The following ADGRE5 variants were observed in gnomAD, a reference collection of about 807,000 sequenced individuals.
The protein encoded by ADGRE5 is adhesion G protein-coupled receptor E5.
In ADGRE5, 72 loss-of-function variants were observed where a neutral mutation model predicts 100.3. That is an observed-to-expected ratio of 0.72 (90% CI 0.59 to 0.87). The LOEUF (loss-of-function observed/expected upper bound fraction) is 0.87. Among genes scored for constraint, ADGRE5 ranks in the 40% least tolerant of loss-of-function variants. ADGRE5 has a pLI of 0.00. For synonymous variants in ADGRE5, 439 were observed against 447.8 expected, an observed-to-expected ratio of 0.98 and a Z score of 0.25; for missense variants, 959 against 1,094.7, an observed-to-expected ratio of 0.88 and a Z score of 1.75.
rs1976004603 is a variant in ADGRE5 at position 14,401,414 on chromosome 19, TG to T, written c.928del (p.Glu310LysfsTer6). On this transcript the variant is annotated frameshift_variant, in exon 10 of 20. Transcript: ENST00000242786. LOFTEE classifies it high-confidence loss of function. The surrounding 1 kb of genome is among the most constrained non-coding windows in gnomAD (Gnocchi z 4.1). ...QNVIKLVDEL[M>X]EAPGDVEALA... ...GTCATCAAATTGGTGGATGAACTGATGGAAGCTCCTGGAGACGTAGAGGCCC... is the reference window on the plus strand; with the variant it reads ...GTCATCAAATTGGTGGATGAACTGATGAAGCTCCTGGAGACGTAGAGGCCC... 1.2e-6 allele frequency: 2 copies of T among 1,613,986 alleles called. No homozygotes were observed. The highest frequency in any genetic ancestry group is 1.7e-6 in the Non-Finnish European group (2 of 1,180,012).
intron 4 of ADGRE5, among the ~76,000 whole-genome samples, chr19:14,394,897 G>C (rs1207096797): frequency 6.6e-6 from 1 of 152,068 alleles, no homozygotes; most frequent in Non-Finnish European, 1.5e-5. Flanking sequence ...CCCATCCAAG[G>C]CTCCACCCTA....
At chr19:14,407,638 CAAA>C (rs566106681) in intron 18 of ADGRE5, among the ~76,000 whole-genome samples, 2 of 84,632 alleles carry the variant, frequency 2.4e-5, no homozygotes, top group Non-Finnish European at 2.5e-5. Flanking sequence ...GACTTGTCTC[CAAA>C]AAAAAAAAAA....
At chr19:14,404,872 T>C (rs73517821) in intron 13 of ADGRE5, 3 of 336,820 alleles carry the variant, frequency 8.9e-6, no homozygotes, top group African/African-American at 6.6e-5. Flanking sequence ...GCCCGTTTTT[T>C]TTTTTTTTTG....
chr19:14,391,118 A>C, intron 4 of ADGRE5, 39 bp downstream of exon 4: 1 of 1,611,872 alleles, frequency 6.2e-7, no homozygotes, highest in Non-Finnish European at 8.5e-7. Flanking sequence ...TCCATCCATG[A>C]GGTTTGGGGT....
chr19:14,402,881 C>A lies in ADGRE5; in HGVS notation c.1449+19C>A. The A allele has an allele frequency of 6.2e-7, 1 of 1,612,768 alleles. No homozygotes were observed. The highest frequency in any genetic ancestry group is 8.5e-7 in the Non-Finnish European group (1 of 1,179,180). ...TGCCAAGGTCTCTGCTCACTCTGCTCACTTCCTCAAAGATAACCCAGGGCC... is the reference window on the plus strand; with the variant it reads ...TGCCAAGGTCTCTGCTCACTCTGCTAACTTCCTCAAAGATAACCCAGGGCC... On this transcript the variant is annotated intron_variant, in intron 12 of 19. Coordinates refer to ENST00000242786, the MANE Select transcript of ADGRE5 (RefSeq NM_078481.4).
At position 14,408,022 on chromosome 19, in the gene ADGRE5, G is replaced by C. The variant is rs367984696; in HGVS notation, c.2478+13G>C. 6.2e-7 allele frequency: 1 copy of C among 1,613,966 alleles called. No individual in the cohort carries two copies. The highest frequency in any genetic ancestry group is 1.3e-5 in the African/African-American group (1 of 74,924). ...CAATCAGACCCGGGTAAGGGGCTGC[G>C]CCTGGGGCGGGTGTGGGCAGGAAGG... On this transcript the variant is annotated intron_variant, in intron 19 of 19. Coordinates refer to ENST00000242786, the MANE Select transcript of ADGRE5 (RefSeq NM_078481.4).
intron 9 of ADGRE5, among the ~76,000 whole-genome samples, chr19:14,399,718 G>T (rs1196801557): frequency 1.3e-5 from 2 of 151,326 alleles, no homozygotes; most frequent in African/African-American, 4.9e-5. Context: ...CTCCAGCCAG[G>T]GCAACAAGAG....
chr19:14,389,592 C>A (rs1025542226), intron 3 of ADGRE5, among the ~76,000 whole-genome samples: 3 of 150,530 alleles, frequency 2.0e-5, no homozygotes, highest in African/African-American at 4.9e-5. Flanking sequence ...AAAAATTAGC[C>A]GGGGGTGGTG....
intron 12 of ADGRE5, among the ~76,000 whole-genome samples, chr19:14,403,979 C>T (rs1976116008): frequency 6.8e-6 from 1 of 147,890 alleles, no homozygotes; most frequent in East Asian, 2.0e-4. Context: ...CAGGTTCAAG[C>T]GATTCTCCTG....
At chr19:14,383,021 C>G in intron 1 of ADGRE5, among the ~76,000 whole-genome samples, 1 of 151,906 alleles carries the variant, frequency 6.6e-6, no homozygotes, top group Non-Finnish European at 1.5e-5. Context: ...CAGGCATGAG[C>G]CACCGCGCCC....
rs373788401 is a variant in ADGRE5, at chr19:14,406,346, C to T, written c.1837C>T (p.Arg613Cys). The change falls in exon 15 of 20, where the codon CGC becomes TGC. Residue 613 changes from arginine (R) to cysteine (C), a missense_variant. Around this residue, in one of 6 missense-constraint regions of ADGRE5, gnomAD observed 428 missense variants for 386.2 expected, o/e 1.11. Transcript: ENST00000242786. The surrounding 1 kb of genome is among the most constrained non-coding windows in gnomAD (Gnocchi z 6.0). ...CGCCCCGCAGGTGGGGCTGCGCTGC[C>T]GCCTGGTGGCCGGGCTGCTGCACTA... ...NEGGQVGLRC[R>C]LVAGLLHYCF... 9 of 1,571,520 alleles carry T rather than the reference C, an allele frequency of 5.7e-6. No homozygotes were observed. The highest frequency in any genetic ancestry group is 1.8e-5 in the Admixed American group (1 of 54,058).
chr19:14,407,968 T>A lies in ADGRE5; in HGVS notation c.2437T>A (p.Phe813Ile), dbSNP rs200493021. The change falls in exon 19 of 20, where the codon TTC (phenylalanine) becomes ATC (isoleucine). Residue 813 changes from phenylalanine to isoleucine, a missense_variant. Physicochemically the swap from Phe to Ile is conservative, Grantham distance 21. Transcript: ENST00000242786. ...TGCTGGGGGGAGCAAGTACTCAGAATTCACCTCCACCACGTCTGGCACTGG... is the reference window on the plus strand; with the variant it reads ...TGCTGGGGGGAGCAAGTACTCAGAAATCACCTCCACCACGTCTGGCACTGG... The part of the protein sequence containing the change: ...LVAGGSKYSE[F>I]TSTTSGTGHN... 149 of 1,614,018 alleles carry A rather than the reference T, an allele frequency of 9.2e-5. No homozygotes were observed. The highest frequency in any genetic ancestry group is 1.2e-4 in the Non-Finnish European group (142 of 1,180,034).
In ADGRE5 at chr19:14,406,253, C is replaced by T; in HGVS notation, c.1822-78C>T. ...CTGTGGTCCCGCCCACTCTCGGGACCTGGCAGGCGACTGGCTCTGGCGCCG... is the reference window on the plus strand; with the variant it reads ...CTGTGGTCCCGCCCACTCTCGGGACTTGGCAGGCGACTGGCTCTGGCGCCG... On this transcript the variant is annotated intron_variant, in intron 14 of 19. Coordinates refer to ENST00000242786, the MANE Select transcript of ADGRE5 (RefSeq NM_078481.4). The surrounding 1 kb of genome is among the most constrained non-coding windows in gnomAD (Gnocchi z 6.0). 8.5e-7 allele frequency: 1 copy of T among 1,181,756 alleles called. No homozygotes were observed. 73.2% of individuals were successfully genotyped at this position (1,181,756 alleles called of 1,614,324 possible). A position where few individuals can be genotyped will look rare whatever the true frequency, so the allele number is the denominator to read the frequency against.
At chr19:14,392,727 A>G (rs1975643770) in intron 4 of ADGRE5, among the ~76,000 whole-genome samples, 1 of 151,680 alleles carries the variant, frequency 6.6e-6, no homozygotes, top group Non-Finnish European at 1.5e-5. Flanking sequence ...ACATGGCGAA[A>G]CCCTGTGTCT....
At position 14,404,281 on chromosome 19, in the gene ADGRE5, A is replaced by C. The variant is rs912716319; in HGVS notation, c.1450-102A>C. ...GTTACATTCAGTAGGCGCTCGGTCA[A>C]TACTCATCTAGTAAAAAGCAGCCCT... On this transcript the variant is annotated intron_variant, in intron 12 of 19. Transcript: ENST00000242786. The C allele has an allele frequency of 2.9e-5, 31 of 1,066,416 alleles. 2 individuals are homozygous for C. The South Asian group carries it at 4.2e-4, about 15-fold the overall frequency. The allele number at this position is 1,066,416 out of a possible 1,614,324, so 66.1% of individuals were successfully genotyped here.
At position 14,406,735 on chromosome 19, in the gene ADGRE5, G is replaced by A. The variant is rs1976258315; in HGVS notation, c.2084G>A (p.Ser695Asn). Residue 695 changes from serine (S) to asparagine (N), a missense_variant, in exon 16 of 20, where the codon AGC (serine) becomes AAC (asparagine). Transcript: ENST00000242786. This position sits in a 1 kb window ranked among gnomAD's most constrained non-coding sequence, Gnocchi z 6.0. ...GACTTTGAGCAGGGCTTCCTCTGGA[G>A]CTTCTTGGGACCTGTGACCTTCATC... ...WLDFEQGFLWSFLGPVTFIIL... is the reference protein window; with the variant it reads ...WLDFEQGFLWNFLGPVTFIIL... 1 of 1,614,166 alleles carries A rather than the reference G, an allele frequency of 6.2e-7. No individual in the cohort carries two copies. The highest frequency in any genetic ancestry group is 8.5e-7 in the Non-Finnish European group (1 of 1,180,034).
Position 14,404,503 on chromosome 19 carries a change from AC to A in ADGRE5, c.1572del (p.Cys525AlafsTer6). 1.2e-6 allele frequency: 2 copies of A among 1,603,932 alleles called. No homozygotes were observed. Among genetic ancestry groups the A allele is most frequent in the Non-Finnish European group, 1.7e-6 (2 of 1,176,820 alleles). The stretch of plus-strand genomic sequence containing the variant: ...GCTGGGCAGCAAGAACGGCAGCACC[AC>A]CTGCCAATGCAGCCACCTGAGCAGC... ...QVLGSKNGST[T>X]CQCSHLSSFA... On this transcript the variant is annotated frameshift_variant, in exon 13 of 20. Transcript: ENST00000242786. LOFTEE classifies it high-confidence loss of function.
chr19:14,391,202 G>T, intron 4 of ADGRE5, 123 bp downstream of exon 4: 3 of 1,275,718 alleles, frequency 2.4e-6, no homozygotes, highest in Non-Finnish European at 3.3e-6. Flanking sequence ...TCTGAGATGG[G>T]ACAGGTGCAC....
At chr19:14,388,160 G>A (rs1307193479) in intron 1 of ADGRE5, among the ~76,000 whole-genome samples, 2 of 151,910 alleles carry the variant, frequency 1.3e-5, no homozygotes, top group Non-Finnish European at 2.9e-5. Flanking sequence ...CCTAGGAATT[G>A]GAGGCTGCAG....
Sources: allele counts gnomAD v4.1 joint callset (sites outside exome capture counted in the v4.1 genomes callset), GRCh38; gene constraint gnomAD v4.1.1; regional missense constraint gnomAD v4.1.1; non-coding constraint Gnocchi (gnomAD v3.1); transcripts MANE v1.5; gene names NCBI Gene and HGNC (gene_info 2026-07-23, HGNC 2026-07-21).